Variants in BRAF observed in about 807,000 individuals in gnomAD.
The protein encoded by BRAF is serine/threonine-protein kinase B-raf.
BRAF carries 16 observed loss-of-function variants against 104.6 expected under a neutral mutation model. The ratio of observed to expected loss-of-function variants is 0.15; its 90% CI spans 0.10 to 0.23. The LOEUF is 0.23. Among genes scored for constraint, BRAF ranks in the 10% least tolerant of loss-of-function variants. The probability of loss-of-function intolerance (pLI) is 1.00; values close to 1 mark genes in which losing one functional copy is unlikely to be tolerated. For missense variants in BRAF, 541 were observed against 937.3 expected (o/e 0.58, Z 5.52); for synonymous variants, 310 against 341.6 (o/e 0.91, Z 1.02).
chr7:140,865,229 G>A (rs1052806908), intron 1 of BRAF, among the ~76,000 whole-genome samples: 1 of 152,110 alleles, frequency 6.6e-6, no homozygotes, highest in African/African-American at 2.4e-5. Context: ...ACAGGCACAC[G>A]CCACCACACC....
chr7:140,762,980 A>T (rs1194579295), intron 14 of BRAF, among the ~76,000 whole-genome samples: 1 of 152,232 alleles, frequency 6.6e-6, no homozygotes, highest in African/African-American at 2.4e-5. Flanking sequence ...AGTACAGAAC[A>T]AAATGAAAAG....
intron 1 of BRAF, among the ~76,000 whole-genome samples, chr7:140,871,974 T>A (rs909523257): frequency 8.5e-5 from 13 of 152,238 alleles, no homozygotes; most frequent in Middle Eastern, 3.4e-3. Flanking sequence ...CCTAGCACTT[T>A]GGGAGGCCGC....
At chr7:140,730,363 A>G (rs1160919664) in intron 19 of BRAF, among the ~76,000 whole-genome samples, 1 of 152,060 alleles carries the variant, frequency 6.6e-6, no homozygotes, top group Non-Finnish European at 1.5e-5. Flanking sequence ...GGATAATTTA[A>G]GCTGCATCTT....
Position 140,719,680 on chromosome 7 carries a change from T to A in BRAF, c.*6814A>T. 1 of 1,059,508 alleles carries A rather than the reference T, an allele frequency of 9.4e-7. No homozygotes were observed. The highest frequency in any genetic ancestry group is 5.4e-5 in the Admixed American group (1 of 18,688). 65.6% of individuals were successfully genotyped at this position (1,059,508 alleles called of 1,614,324 possible). On this transcript the variant is annotated 3_prime_UTR_variant, in exon 20 of 20. Transcript: ENST00000644969. ...AATAGGGGAAAAGAGGGAGACATCA[T>A]CCATTTGACTGAAAATAAATGTCTT...
intron 7 of BRAF, among the ~76,000 whole-genome samples, chr7:140,796,934 C>A (rs955631244): frequency 2.6e-5 from 4 of 152,100 alleles, no homozygotes; most frequent in Non-Finnish European, 5.9e-5. Flanking sequence ...TACCTGGTAT[C>A]CTGATTCAAT....
Position 140,742,752 on chromosome 7 carries a change from T to C in BRAF, c.2113-2806A>G, listed in dbSNP as rs551719664. On this transcript the variant is annotated intron_variant, in intron 17 of 19. Transcript: ENST00000644969. ...CTAACTAAACTAAAGAGCTTCTGCATAGCAAAAGAAACTACCATCAGAGTG... is the reference window on the plus strand; with the variant it reads ...CTAACTAAACTAAAGAGCTTCTGCACAGCAAAAGAAACTACCATCAGAGTG... Among the ~76,000 whole-genome samples the C allele has an allele frequency of 4.9e-4, 74 of 152,178 alleles. 1 individual carries two copies. Among genetic ancestry groups the C allele is most frequent in the East Asian group, 7.7e-4 (4 of 5,186 alleles).
chr7:140,815,877 G>A (rs1292899997), intron 3 of BRAF, among the ~76,000 whole-genome samples: 3 of 152,166 alleles, frequency 2.0e-5, no homozygotes, highest in African/African-American at 7.2e-5. Flanking sequence ...GTGCCTCCTG[G>A]TCAGGTTGAA....
In BRAF at chr7:140,724,155, T is replaced by C; in HGVS notation, c.*2339A>G. 1 of 1,053,694 alleles carries C rather than the reference T, an allele frequency of 9.5e-7. No homozygotes were observed. Among genetic ancestry groups the C allele is most frequent in the Non-Finnish European group, 1.1e-6 (1 of 873,046 alleles). 65.3% of individuals were successfully genotyped at this position (1,053,694 alleles called of 1,614,324 possible). The stretch of plus-strand genomic sequence containing the variant: ...AAGAAAAAGTGTATCACCCTGAATA[T>C]TGTTTAAGAAACTGAAATGCTAAGC... On this transcript the variant is annotated 3_prime_UTR_variant, in exon 20 of 20. Coordinates refer to ENST00000644969, the MANE Select transcript of BRAF (RefSeq NM_001374258.1).
chr7:140,734,529 A>G, intron 19 of BRAF: 1 of 1,611,688 alleles, frequency 6.2e-7, no homozygotes, highest in South Asian at 1.1e-5. Flanking sequence ...AATTTAACAT[A>G]TAAGCAAACA....
At chr7:140,842,941 G>A (rs1241565223) in intron 2 of BRAF, among the ~76,000 whole-genome samples, 1 of 152,120 alleles carries the variant, frequency 6.6e-6, no homozygotes, top group African/African-American at 2.4e-5. Flanking sequence ...CAATTTCTCT[G>A]TTTTGCTACA....
At chr7:140,864,106 C>A (rs559399370) in intron 1 of BRAF, among the ~76,000 whole-genome samples, 1 of 151,916 alleles carries the variant, frequency 6.6e-6, no homozygotes. Flanking sequence ...GATTACGGTG[C>A]GCCAAGAATG....
At chr7:140,764,036 C>T (rs1323445052) in intron 14 of BRAF, among the ~76,000 whole-genome samples, 2 of 152,132 alleles carry the variant, frequency 1.3e-5, no homozygotes, top group African/African-American at 2.4e-5. Context: ...AACATTGATG[C>T]AAAAATCCTC....
chr7:140,828,053 A>G (rs1266820975), intron 3 of BRAF, among the ~76,000 whole-genome samples: 1 of 151,554 alleles, frequency 6.6e-6, no homozygotes, highest in Non-Finnish European at 1.5e-5. Flanking sequence ...GCGGCACCAC[A>G]CCCGGCCAAT....
intron 2 of BRAF, among the ~76,000 whole-genome samples, chr7:140,849,853 T>G (rs1162824023): frequency 6.6e-6 from 1 of 152,036 alleles, no homozygotes; most frequent in Middle Eastern, 3.4e-3. Flanking sequence ...AAATAAAAAT[T>G]TAATTCAGAG....
At chr7:140,883,047 T>G (rs568212647) in intron 1 of BRAF, among the ~76,000 whole-genome samples, 1 of 151,146 alleles carries the variant, frequency 6.6e-6, no homozygotes, top group East Asian at 1.9e-4. Context: ...AATAAATAAA[T>G]AAAGGACCTA....
intron 17 of BRAF, among the ~76,000 whole-genome samples, chr7:140,743,820 T>C (rs1415251174): frequency 6.6e-6 from 1 of 152,146 alleles, no homozygotes; most frequent in Non-Finnish European, 1.5e-5. Context: ...CATTTCTAAA[T>C]ACTGGTGTCA....
At chr7:140,867,250 C>T (rs533837133) in intron 1 of BRAF, among the ~76,000 whole-genome samples, 2 of 152,216 alleles carry the variant, frequency 1.3e-5, no homozygotes, top group East Asian at 3.9e-4. Context: ...TAGAATTACT[C>T]ATATATTGCA....
intron 19 of BRAF, chr7:140,726,571 G>T: frequency 1.4e-6 from 2 of 1,409,684 alleles, no homozygotes; most frequent in South Asian, 1.2e-5. Context: ...ATAACCTAGA[G>T]ACACAGAAAA....
rs1316280257 is a variant in BRAF, at chr7:140,783,131, G to A, written c.1324C>T (p.Pro442Ser). The A allele has an allele frequency of 6.2e-7, 1 of 1,614,028 alleles. No individual in the cohort carries two copies. Among genetic ancestry groups the A allele is most frequent in the Non-Finnish European group, 8.5e-7 (1 of 1,179,970 alleles). Residue 442 changes from proline to serine, a missense_variant, in exon 11 of 20, where the codon CCC becomes TCC. By Grantham distance (74) the Pro-to-Ser change is moderately conservative (BLOSUM62 -1). Coordinates refer to ENST00000644969, the MANE Select transcript of BRAF (RefSeq NM_001374258.1). ...RGSTTGLSAT[P>S]PASLPGSLTN... The stretch of plus-strand genomic sequence containing the variant: ...AGTGAGCCAGGTAATGAGGCAGGGG[G>A]GGTAGCAGACAAACCTGTGGTTGAT...
Sources: gnomAD v4.1 joint callset for allele counts (sites outside exome capture counted in the v4.1 genomes callset) on GRCh38, gnomAD v4.1.1 for gene constraint, MANE v1.5 for transcripts, NCBI Gene and HGNC (gene_info 2026-07-23, HGNC 2026-07-21) for gene names.